DOCK4: variants seen among roughly 807,000 people sequenced by gnomAD.
DOCK4 encodes dedicator of cytokinesis protein 4.
In DOCK4, 97 loss-of-function variants were observed where a neutral mutation model predicts 268.1. The observed-to-expected ratio is 0.36, with a 90% CI of 0.31 to 0.43. DOCK4 has a LOEUF of 0.43. Ranked by LOEUF, DOCK4 falls within the 20% of genes least tolerant of loss-of-function variation. DOCK4 has a pLI of 1.00. For synonymous variants in DOCK4, 954 were observed against 887.2 expected (o/e 1.08, Z -1.34); for missense variants, 2,145 against 2,455.7 (o/e 0.87, Z 2.67).
chr7:112,166,837 T>A (rs967158168), intron 1 of DOCK4, among the ~76,000 whole-genome samples: 47 of 144,564 alleles, frequency 3.3e-4, no homozygotes, highest in African/African-American at 1.2e-3. Context: ...TAAATTCTTC[T>A]TTTTTTTTTT....
At chr7:112,128,650 C>T (rs1813497881) in intron 1 of DOCK4, among the ~76,000 whole-genome samples, 1 of 152,150 alleles carries the variant, frequency 6.6e-6, no homozygotes, top group South Asian at 2.1e-4. Flanking sequence ...TGTCCTCTGT[C>T]CACTCAGGGT....
At chr7:112,079,443 C>A (rs902179943) in intron 1 of DOCK4, among the ~76,000 whole-genome samples, 6 of 152,110 alleles carry the variant, frequency 3.9e-5, no homozygotes, top group African/African-American at 1.4e-4. Flanking sequence ...AACTTTAGTA[C>A]CAAGGCCATT....
intron 1 of DOCK4, among the ~76,000 whole-genome samples, chr7:112,007,598 T>G (rs1288782669): frequency 1.3e-5 from 2 of 151,952 alleles, no homozygotes; most frequent in Non-Finnish European, 2.9e-5. Flanking sequence ...GATACTATAC[T>G]CAGGAAAAAT....
At chr7:111,955,801 T>C (rs1048620313) in intron 8 of DOCK4, among the ~76,000 whole-genome samples, 6 of 152,210 alleles carry the variant, frequency 3.9e-5, no homozygotes, top group African/African-American at 1.4e-4. Flanking sequence ...ATTAAAGAAA[T>C]GATTTTGACT....
chr7:111,962,806 T>C (rs1797034480), intron 8 of DOCK4, among the ~76,000 whole-genome samples: 1 of 152,136 alleles, frequency 6.6e-6, no homozygotes, highest in African/African-American at 2.4e-5. Context: ...TTAGGAAAAA[T>C]ACCTAGAAAA....
At chr7:112,175,299 C>T (rs1818413911) in intron 1 of DOCK4, among the ~76,000 whole-genome samples, 1 of 152,104 alleles carries the variant, frequency 6.6e-6, no homozygotes, top group Non-Finnish European at 1.5e-5. Context: ...AAAATGTATC[C>T]ACTGAATCAA....
chr7:111,983,862 G>GCGCACACACACACACACACACACACACA lies in DOCK4; in HGVS notation c.549+443_549+444insTGTGTGTGTGTGTGTGTGTGTGTGTGCG. Among the ~76,000 whole-genome samples the GCGCACACACACACACACACACACACACA allele has an allele frequency of 5.8e-5, 8 of 138,646 alleles. No individual in the cohort carries two copies. In the South Asian group the frequency reaches 7.3e-4, roughly 13 times the overall value. The allele number at this position is 138,646 out of a possible 152,430, so 91.0% of individuals were successfully genotyped here. On this transcript the variant is annotated intron_variant, in intron 7 of 52. Coordinates refer to ENST00000428084, the MANE Select transcript of DOCK4 (RefSeq NM_001363540.2). ...CACACACACGCGCGCGCGCGCGCGC[G>GCGCACACACACACACACACACACACACA]CACACACACACACACACACACACAC...
intron 1 of DOCK4, among the ~76,000 whole-genome samples, chr7:112,133,428 T>G (rs1813996566): frequency 1.3e-5 from 2 of 152,158 alleles, no homozygotes; most frequent in African/African-American, 2.4e-5. Context: ...TGAAAAAAAG[T>G]ATGCTATAAA....
At chr7:112,083,274 T>C (rs1398884684) in intron 1 of DOCK4, among the ~76,000 whole-genome samples, 1 of 152,096 alleles carries the variant, frequency 6.6e-6, no homozygotes, top group East Asian at 1.9e-4. Context: ...ACCATCACAA[T>C]TGCCTCAGGC....
chr7:112,114,880 C>A (rs73715461), intron 1 of DOCK4, among the ~76,000 whole-genome samples: 1 of 151,970 alleles, frequency 6.6e-6, no homozygotes, highest in Non-Finnish European at 1.5e-5. Context: ...AGTAAAAAGG[C>A]GGACAACATC....
chr7:111,844,757 T>C lies in DOCK4; in HGVS notation c.2736+6A>G. ...GTTCCACGTGCCATCTGCTCTATGATCTTACAGTGACATCCTGGAACTGGA... is the reference window on the plus strand; with the variant it reads ...GTTCCACGTGCCATCTGCTCTATGACCTTACAGTGACATCCTGGAACTGGA... On this transcript the variant is annotated splice_donor_region_variant and intron_variant, in intron 25 of 52. Coordinates refer to ENST00000428084, the MANE Select transcript of DOCK4 (RefSeq NM_001363540.2). 2 of 1,612,366 alleles carry C rather than the reference T, an allele frequency of 1.2e-6. No homozygotes were observed. The highest frequency in any genetic ancestry group is 1.7e-6 in the Non-Finnish European group (2 of 1,179,208).
At chr7:111,839,738 G>T (rs889207592) in intron 25 of DOCK4, among the ~76,000 whole-genome samples, 1 of 152,086 alleles carries the variant, frequency 6.6e-6, no homozygotes, top group African/African-American at 2.4e-5. Context: ...ACTCTGTTAG[G>T]AGGCCTAGAT....
At chr7:111,864,479 G>A (rs374232125) in intron 22 of DOCK4, among the ~76,000 whole-genome samples, 98 of 152,242 alleles carry the variant, frequency 6.4e-4, no homozygotes, top group African/African-American at 2.1e-3. Context: ...GCTAGTTGGC[G>A]TACCAATGAG....
At chr7:111,943,536 C>T (rs1190098956) in intron 10 of DOCK4, among the ~76,000 whole-genome samples, 2 of 152,192 alleles carry the variant, frequency 1.3e-5, no homozygotes, top group Non-Finnish European at 2.9e-5. Context: ...ATTGGTATTA[C>T]ATTTGAATTT....
At position 112,206,279 on chromosome 7, in the gene DOCK4, G is replaced by A. The variant is rs1350060278; in HGVS notation, c.-141C>T. The A allele has an allele frequency of 4.5e-6, 4 of 892,882 alleles. No individual in the cohort carries two copies. The highest frequency in any genetic ancestry group is 2.7e-5 in the East Asian group (1 of 36,916). The allele number at this position is 892,882 out of a possible 1,614,324, so 55.3% of individuals were successfully genotyped here. ...GGGCTGCGGGCGCTGGGCAGGATCT[G>A]CGCTGGAGGCTCCCGAGCCCAGCGT... On this transcript the variant is annotated 5_prime_UTR_variant, in exon 1 of 53. Coordinates refer to ENST00000428084, the MANE Select transcript of DOCK4 (RefSeq NM_001363540.2).
intron 1 of DOCK4, among the ~76,000 whole-genome samples, chr7:112,189,018 A>G (rs1587008194): frequency 6.6e-6 from 1 of 152,232 alleles, no homozygotes; most frequent in East Asian, 1.9e-4. Context: ...TGCAGAGCAT[A>G]CCATACAAGT....
chr7:112,080,114 G>T (rs1230989326), intron 1 of DOCK4, among the ~76,000 whole-genome samples: 2 of 152,014 alleles, frequency 1.3e-5, no homozygotes, highest in African/African-American at 4.8e-5. Flanking sequence ...ATTCAAAAAA[G>T]AATCAGTATT....
chr7:112,046,714 G>T (rs935115330), intron 1 of DOCK4, among the ~76,000 whole-genome samples: 1 of 152,174 alleles, frequency 6.6e-6, no homozygotes, highest in Non-Finnish European at 1.5e-5. Flanking sequence ...CAAGACAGCA[G>T]ATTTCAGGCA....
chr7:111,993,733 T>C (rs1586594595), intron 5 of DOCK4, among the ~76,000 whole-genome samples: 1 of 152,210 alleles, frequency 6.6e-6, no homozygotes, highest in East Asian at 1.9e-4. Flanking sequence ...AATATTCTCA[T>C]TGATACTAGC....
Sources: allele counts gnomAD v4.1 joint callset (sites outside exome capture counted in the v4.1 genomes callset), GRCh38; gene constraint gnomAD v4.1.1; transcripts MANE v1.5; gene names NCBI Gene and HGNC (gene_info 2026-07-23, HGNC 2026-07-21).